The following BANP variants were observed in gnomAD, a reference collection of about 807,000 sequenced individuals.
BANP encodes BTG3 associated nuclear protein, also known as protein BANP.
A neutral mutation model predicts 68.1 loss-of-function variants in BANP; 11 were observed. The ratio of observed to expected loss-of-function variants is 0.16; its 90% CI spans 0.10 to 0.27. The LOEUF (loss-of-function observed/expected upper bound fraction) is 0.27, where lower values mean the gene tolerates loss of function less well. BANP is among the 10% of genes least tolerant of loss of function. The pLI is 1.00. For synonymous variants in BANP, 329 were observed against 303.2 expected (o/e 1.09, Z -0.88); for missense variants, 504 against 722.7 (o/e 0.70, Z 3.47).
rs537624349 is a variant in BANP, at chr16:88,024,087, A to G, written c.896-3396A>G. Among the ~76,000 whole-genome samples, 12 of 152,214 alleles carry G rather than the reference A, an allele frequency of 7.9e-5. No individual in the cohort carries two copies. In the South Asian group the frequency reaches 2.5e-3, roughly 32 times the overall value. ...GCAGGGGAGACTTCTGCCTCGATTG[A>G]AGTCCGACTAGGCCTCCCAGAGCAG... On this transcript the variant is annotated intron_variant, in intron 7 of 13. Coordinates refer to ENST00000682872, the MANE Select transcript of BANP (RefSeq NM_001386991.1).
chr16:87,986,625 C>T (rs1161165204), intron 4 of BANP, among the ~76,000 whole-genome samples: 1 of 152,172 alleles, frequency 6.6e-6, no homozygotes, highest in Non-Finnish European at 1.5e-5. Context: ...CAGGGTCCTC[C>T]TGCTTTCTGA....
intron 3 of BANP, among the ~76,000 whole-genome samples, chr16:87,982,297 C>G (rs567183120): frequency 1.3e-5 from 2 of 152,162 alleles, no homozygotes; most frequent in African/African-American, 2.4e-5. Context: ...ATGTGACTTG[C>G]GTAGAGTCGT....
At chr16:88,029,668 C>A (rs1159868039) in intron 8 of BANP, among the ~76,000 whole-genome samples, 1 of 150,968 alleles carries the variant, frequency 6.6e-6, no homozygotes, top group Non-Finnish European at 1.5e-5. Context: ...CTAGCAGGAA[C>A]CAGATTGAAT....
chr16:88,066,970 G>A (rs755160489), intron 12 of BANP, among the ~76,000 whole-genome samples: 2 of 152,228 alleles, frequency 1.3e-5, no homozygotes, highest in African/African-American at 2.4e-5. Flanking sequence ...TGCCACAGCG[G>A]CCTAGACATT....
chr16:88,001,258 A>G (rs12921708), intron 4 of BANP, among the ~76,000 whole-genome samples: 2 of 83,398 alleles, frequency 2.4e-5, no homozygotes, highest in East Asian at 6.4e-4. Flanking sequence ...GGCTGGACTT[A>G]CCTGTCCTTC....
chr16:88,045,111 G>A (rs1453225953), intron 11 of BANP, among the ~76,000 whole-genome samples: 3 of 152,058 alleles, frequency 2.0e-5, no homozygotes, highest in Non-Finnish European at 2.9e-5. Flanking sequence ...TTCAATCTAA[G>A]AAAAATGATT....
Position 88,055,586 on chromosome 16 carries a change from A to T in BANP, c.1312-9681A>T, listed in dbSNP as rs559557131. On this transcript the variant is annotated intron_variant, in intron 11 of 13. Coordinates refer to ENST00000682872, the MANE Select transcript of BANP (RefSeq NM_001386991.1). ...CCAGCTGGGAAAAAGATTAGAAGAC[A>T]TGGGAAATGTCCAACATTTTACGTG... Among the ~76,000 whole-genome samples, 7 of 152,370 alleles carry T rather than the reference A, an allele frequency of 4.6e-5. No individual in the cohort carries two copies. In the South Asian group the frequency reaches 1.4e-3, roughly 32 times the overall value.
At position 88,001,935 on chromosome 16, in the gene BANP, A is replaced by C. The variant is rs573022918; in HGVS notation, c.363-2360A>C. ...TGCTAAAAAAAAACAAAAAAACAAA[A>C]AAAAAAAAACCTTCTGGATTGAAGG... On this transcript the variant is annotated intron_variant, in intron 4 of 13. Coordinates refer to ENST00000682872, the MANE Select transcript of BANP (RefSeq NM_001386991.1). Among the ~76,000 whole-genome samples, 212 of 152,030 alleles carry C rather than the reference A, an allele frequency of 1.4e-3. 1 individual carries two copies. Among genetic ancestry groups the C allele is most frequent in the South Asian group, 6.0e-3 (29 of 4,822 alleles).
chr16:88,008,812 T>C (rs2072086318), intron 6 of BANP, among the ~76,000 whole-genome samples: 1 of 152,234 alleles, frequency 6.6e-6, no homozygotes, highest in Admixed American at 6.5e-5. Flanking sequence ...AGGATTGGGG[T>C]GAACTGCAGA....
intron 3 of BANP, among the ~76,000 whole-genome samples, chr16:87,982,387 A>C (rs1331673835): frequency 2.0e-5 from 3 of 152,214 alleles, no homozygotes; most frequent in Non-Finnish European, 4.4e-5. Context: ...TGTAATTCAG[A>C]ATTAAAATAA....
chr16:88,061,253 C>G (rs142352558), intron 11 of BANP, among the ~76,000 whole-genome samples: 2 of 152,376 alleles, frequency 1.3e-5, no homozygotes, highest in African/African-American at 4.8e-5. Context: ...TGCCATCGCT[C>G]TGGGCTGTAA....
rs1193963759 is a variant in BANP at position 88,064,437 on chromosome 16, C to G, written c.1312-830C>G. On this transcript the variant is annotated intron_variant, in intron 11 of 13. Transcript: ENST00000682872. This position sits in a 1 kb window ranked among gnomAD's most constrained non-coding sequence, Gnocchi z 4.5. The stretch of plus-strand genomic sequence containing the variant: ...TATTTGGAGGACAGATGTGCGCATT[C>G]ACTTAGGGTCCAAGAAATGAGTGGG... Among the ~76,000 whole-genome samples the G allele has an allele frequency of 6.6e-6, 1 of 152,216 alleles. No individual in the cohort carries two copies. The highest frequency in any genetic ancestry group is 2.4e-5 in the African/African-American group (1 of 41,460).
chr16:88,007,074 ATT>A (rs2071442925), intron 6 of BANP, among the ~76,000 whole-genome samples: 1 of 151,486 alleles, frequency 6.6e-6, no homozygotes, highest in Admixed American at 6.6e-5. Context: ...ACATTTTATG[ATT>A]TTATAACTCA....
intron 11 of BANP, among the ~76,000 whole-genome samples, chr16:88,043,251 C>T (rs1209469083): frequency 6.6e-6 from 1 of 152,222 alleles, no homozygotes. Flanking sequence ...CTGGTCATGG[C>T]TCCAGGCATG....
chr16:88,054,488 C>G (rs2084449257), intron 11 of BANP, among the ~76,000 whole-genome samples: 1 of 152,214 alleles, frequency 6.6e-6, no homozygotes, highest in Non-Finnish European at 1.5e-5. Flanking sequence ...AACAACACAT[C>G]TATCACAGCA....
At chr16:88,019,182 C>T (rs1389198353) in intron 7 of BANP, among the ~76,000 whole-genome samples, 1 of 152,190 alleles carries the variant, frequency 6.6e-6, no homozygotes, top group Non-Finnish European at 1.5e-5. Context: ...CCCAGCCCGG[C>T]CTGTGACGTC....
chr16:87,968,834 C>A (rs371193499), intron 1 of BANP, among the ~76,000 whole-genome samples: 59 of 152,280 alleles, frequency 3.9e-4, no homozygotes, highest in Middle Eastern at 3.4e-3. Flanking sequence ...CAGCTTAGAT[C>A]TGCATATTTT....
At chr16:88,052,948 T>G (rs1432307575) in intron 11 of BANP, among the ~76,000 whole-genome samples, 1 of 138,412 alleles carries the variant, frequency 7.2e-6, no homozygotes, top group Non-Finnish European at 1.6e-5. Flanking sequence ...CATCACCACC[T>G]TCACCACTAT....
chr16:88,013,921 G>A (rs1373009719), intron 6 of BANP, among the ~76,000 whole-genome samples: 1 of 152,204 alleles, frequency 6.6e-6, no homozygotes, highest in South Asian at 2.1e-4. Context: ...GATGGGAACC[G>A]GTAGACTGGG....
Sources: gnomAD v4.1 joint callset for allele counts (sites outside exome capture counted in the v4.1 genomes callset) on GRCh38, gnomAD v4.1.1 for gene constraint, Gnocchi (gnomAD v3.1) non-coding constraint, MANE v1.5 for transcripts, NCBI Gene and HGNC (gene_info 2026-07-23, HGNC 2026-07-21) for gene names.